Variants in ALDH1L2 observed in about 807,000 individuals in gnomAD.
ALDH1L2 encodes mitochondrial 10-formyltetrahydrofolate dehydrogenase.
ALDH1L2 carries 91 observed loss-of-function variants against 111.0 expected under a neutral mutation model. The observed-to-expected ratio is 0.82, with a 90% CI of 0.69 to 0.98. The LOEUF is 0.98. Ranked by LOEUF, ALDH1L2 falls within the 50% of genes least tolerant of loss-of-function variation. The pLI is 0.00. For missense variants in ALDH1L2, 995 were observed against 1,126.8 expected (o/e 0.88, Z 1.67); for synonymous variants, 374 against 392.6 (o/e 0.95, Z 0.56).
chr12:105,048,860 G>T (rs372524735), intron 13 of ALDH1L2, among the ~76,000 whole-genome samples: 1 of 151,770 alleles, frequency 6.6e-6, no homozygotes, highest in South Asian at 2.1e-4. Flanking sequence ...GTGAAACCCC[G>T]TCTCTGCTAA....
chr12:105,066,808 CT>C (rs1210824927), intron 4 of ALDH1L2, 139 bp from the exon 5 acceptor site: 8 of 679,424 alleles, frequency 1.2e-5, no homozygotes, highest in Middle Eastern at 2.4e-4. Context: ...ACTACCATTT[CT>C]TCAGGTCCAT....
chr12:105,051,420 T>C (rs983606867), intron 12 of ALDH1L2, among the ~76,000 whole-genome samples: 43 of 152,310 alleles, frequency 2.8e-4, no homozygotes, highest in African/African-American at 1.0e-3. Flanking sequence ...AGTGTGGTTT[T>C]CTCGTATAGC....
chr12:105,056,588 G>A (rs1876644856), intron 10 of ALDH1L2, among the ~76,000 whole-genome samples: 1 of 151,460 alleles, frequency 6.6e-6, no homozygotes, highest in South Asian at 2.1e-4. Flanking sequence ...ACTGTTGGTG[G>A]GCTCATGATG....
chr12:105,065,805 A>G (rs7298218), intron 5 of ALDH1L2, among the ~76,000 whole-genome samples: 94,895 of 151,518 alleles, frequency 0.63, 29,973 homozygotes, highest in Middle Eastern at 0.77. Flanking sequence ...CCTCCATATT[A>G]TTAGTTGGTG....
chr12:105,078,357 G>T (rs1878171829), intron 1 of ALDH1L2, among the ~76,000 whole-genome samples: 1 of 152,176 alleles, frequency 6.6e-6, no homozygotes, highest in Non-Finnish European at 1.5e-5. Context: ...TACTCAGGAG[G>T]CTGAGGCAGG....
In ALDH1L2 at chr12:105,024,390, T is replaced by A; in HGVS notation, c.*34A>T. On this transcript the variant is annotated 3_prime_UTR_variant, in exon 23 of 23. Transcript: ENST00000258494. ...AAGTGTGTCCAGAGTTGTAAAGGGCTGTCTGTCAAGGCTTTCCTGATGATG... is the reference window on the plus strand; with the variant it reads ...AAGTGTGTCCAGAGTTGTAAAGGGCAGTCTGTCAAGGCTTTCCTGATGATG... 1 of 1,611,458 alleles carries A rather than the reference T, an allele frequency of 6.2e-7. No homozygotes were observed. The highest frequency in any genetic ancestry group is 2.2e-5 in the East Asian group (1 of 44,874).
intron 16 of ALDH1L2, 104 bp downstream of exon 16, chr12:105,040,503 T>C (rs1875468048): frequency 9.7e-7 from 1 of 1,026,348 alleles, no homozygotes; most frequent in African/African-American, 1.6e-5. Context: ...TATTTAGTTT[T>C]AATACAGTTA....
At chr12:105,046,223 T>A (rs11611037) in intron 15 of ALDH1L2, among the ~76,000 whole-genome samples, 647 of 23,616 alleles carry the variant, frequency 0.027, no homozygotes, top group East Asian at 0.067. Context: ...ATATATATAT[T>A]TTTTTTTTTT....
rs370703847 is a variant in ALDH1L2, at chr12:105,030,304, A to G, written c.2516+20T>C. On this transcript the variant is annotated intron_variant, in intron 21 of 22. Transcript: ENST00000258494. ...CTTATCTAGTCAAAACCTAAGTTACATTGTGTCTGAAGAACCTACCCATTT... is the reference window on the plus strand; with the variant it reads ...CTTATCTAGTCAAAACCTAAGTTACGTTGTGTCTGAAGAACCTACCCATTT... The G allele has an allele frequency of 6.3e-7, 1 of 1,598,676 alleles. No homozygotes were observed. The highest frequency in any genetic ancestry group is 8.5e-7 in the Non-Finnish European group (1 of 1,170,348).
At chr12:105,078,643 C>T (rs1878190047) in intron 1 of ALDH1L2, among the ~76,000 whole-genome samples, 1 of 152,132 alleles carries the variant, frequency 6.6e-6, no homozygotes, top group African/African-American at 2.4e-5. Flanking sequence ...CTCTTTGCGA[C>T]CCTTACACTA....
intron 22 of ALDH1L2, 118 bp downstream of exon 22, chr12:105,026,427 G>C (rs2136043762): frequency 1.7e-6 from 2 of 1,176,616 alleles, no homozygotes; most frequent in South Asian, 2.9e-5. Context: ...TCTAAACCCA[G>C]ATATAACTGC....
At chr12:105,065,074 C>G (rs1360653617) in intron 6 of ALDH1L2, among the ~76,000 whole-genome samples, 193 bp downstream of exon 6, 6 of 152,064 alleles carry the variant, frequency 3.9e-5, no homozygotes, top group Admixed American at 2.0e-4. Context: ...ACTGCAGGCT[C>G]CTTAGATCAG....
At chr12:105,040,092 C>T (rs1460592876) in intron 16 of ALDH1L2, among the ~76,000 whole-genome samples, 1 of 136,658 alleles carries the variant, frequency 7.3e-6, no homozygotes, top group East Asian at 2.4e-4. Context: ...CGCCTTTGCA[C>T]TCCAGCCGGG....
At chr12:105,076,523 ACTCTGTTTATTATC>A (rs1878059552) in intron 1 of ALDH1L2, among the ~76,000 whole-genome samples, 1 of 152,090 alleles carries the variant, frequency 6.6e-6, no homozygotes, top group African/African-American at 2.4e-5. Flanking sequence ...TGAGATTCCA[ACTCTGTTTATTATC>A]CTAGTGCCTA....
At chr12:105,046,193 CTATATATATA>C (rs1555225141) in intron 15 of ALDH1L2, among the ~76,000 whole-genome samples, 2 of 20,190 alleles carry the variant, frequency 9.9e-5, no homozygotes, top group African/African-American at 4.6e-4. Context: ...CTCTCTCTCT[CTATATATATA>C]TATATATATA....
At chr12:105,067,723 G>A (rs1035518167) in intron 4 of ALDH1L2, among the ~76,000 whole-genome samples, 6 of 152,082 alleles carry the variant, frequency 3.9e-5, no homozygotes, top group Admixed American at 2.6e-4. Context: ...AAGAGCACAC[G>A]GAGGGAGCCA....
chr12:105,042,164 A>G (rs2136063382), intron 15 of ALDH1L2, among the ~76,000 whole-genome samples: 1 of 152,324 alleles, frequency 6.6e-6, no homozygotes, highest in Admixed American at 6.5e-5. Context: ...ATCTAAATAC[A>G]TTAAAACCCA....
At chr12:105,053,974 GTAA>G (rs1454491670) in intron 10 of ALDH1L2, among the ~76,000 whole-genome samples, 2 of 151,774 alleles carry the variant, frequency 1.3e-5, no homozygotes, top group African/African-American at 4.8e-5. Flanking sequence ...AATCTATAGG[GTAA>G]TAATAATATT....
At chr12:105,065,214 T>C in intron 6 of ALDH1L2, 53 bp downstream of exon 6, 6 of 1,121,084 alleles carry the variant, frequency 5.4e-6, no homozygotes, top group Non-Finnish European at 7.4e-6. Flanking sequence ...TAATATCTCT[T>C]ACAAAGGTAA....
Sources: allele counts gnomAD v4.1 joint callset (sites outside exome capture counted in the v4.1 genomes callset), GRCh38; gene constraint gnomAD v4.1.1; transcripts MANE v1.5; gene names NCBI Gene and HGNC (gene_info 2026-07-23, HGNC 2026-07-21).